CFAP97D2: variants seen among roughly 807,000 people sequenced by gnomAD.
CFAP97D2 encodes CFAP97 domain containing 2, also known as uncharacterized protein CFAP97D2.
At position 114,211,524 on chromosome 13, in the gene CFAP97D2, C is replaced by T. The variant is rs577355393; in HGVS notation, c.291-388C>T. Among the ~76,000 whole-genome samples the T allele has an allele frequency of 6.6e-6, 1 of 152,218 alleles. No individual in the cohort carries two copies. Among genetic ancestry groups the T allele is most frequent in the African/African-American group, 2.4e-5 (1 of 41,524 alleles). On this transcript the variant is annotated intron_variant, in intron 3 of 4. Transcript: ENST00000646158. The surrounding 1 kb of genome is among the most constrained non-coding windows in gnomAD (Gnocchi z 4.2). Reference sequence around the variant, plus strand: ...CTTGCCCTCCCCGCCTGGGACCCTGCTCTCCGCCATGGGTGCCCGGGTGCT... The same window carrying T: ...CTTGCCCTCCCCGCCTGGGACCCTGTTCTCCGCCATGGGTGCCCGGGTGCT...
At chr13:114,195,147 C>T (rs933471797) in intron 1 of CFAP97D2, among the ~76,000 whole-genome samples, 1 of 152,234 alleles carries the variant, frequency 6.6e-6, no homozygotes, top group Non-Finnish European at 1.5e-5. Context: ...CAGGTCTCCT[C>T]CCTGGATGAC....
intron 1 of CFAP97D2, among the ~76,000 whole-genome samples, chr13:114,191,115 A>T (rs1346137812): frequency 2.0e-5 from 3 of 152,220 alleles, no homozygotes; most frequent in Non-Finnish European, 2.9e-5. Flanking sequence ...ATGCAAAAAA[A>T]GTATAAAACT....
At chr13:114,216,837 C>G (rs1373531899) in intron 4 of CFAP97D2, among the ~76,000 whole-genome samples, 1 of 152,180 alleles carries the variant, frequency 6.6e-6, no homozygotes, top group Non-Finnish European at 1.5e-5. Context: ...AATGGTATTT[C>G]TAGTTCTAGA....
At chr13:114,184,140 G>C (rs1234002847) in intron 1 of CFAP97D2, among the ~76,000 whole-genome samples, 1 of 152,114 alleles carries the variant, frequency 6.6e-6, no homozygotes, top group African/African-American at 2.4e-5. Flanking sequence ...AACAAAATGA[G>C]ACCCTGTCTC....
chr13:114,200,738 C>G (rs944302710), intron 3 of CFAP97D2, among the ~76,000 whole-genome samples: 3 of 152,240 alleles, frequency 2.0e-5, no homozygotes, highest in African/African-American at 7.2e-5. Flanking sequence ...ACTCAGAACC[C>G]TCACAGGACC....
rs151018906 is a variant in CFAP97D2, at chr13:114,204,147, G to A, written c.290+3704G>A. Among the ~76,000 whole-genome samples, 163 of 152,266 alleles carry A rather than the reference G, an allele frequency of 1.1e-3. 2 individuals are homozygous for A. The highest frequency in any genetic ancestry group is 9.3e-3 in the South Asian group (45 of 4,818). ...GGAAAATACATTTCGAGGAGGCAGCGGGCAGCCCACAGGAGAGAGGCTGAC... is the reference window on the plus strand; with the variant it reads ...GGAAAATACATTTCGAGGAGGCAGCAGGCAGCCCACAGGAGAGAGGCTGAC... On this transcript the variant is annotated intron_variant, in intron 3 of 4. Coordinates refer to ENST00000646158, the Ensembl canonical transcript of CFAP97D2.
At position 114,185,224 on chromosome 13, in the gene CFAP97D2, C is replaced by T. The variant is rs920537718; in HGVS notation, c.90+5804C>T. ...CTTGCCTGCTGATGCAGGGAGGGCACAGGAAAGAGGTGAACAGTACCCGGA... is the reference window on the plus strand; with the variant it reads ...CTTGCCTGCTGATGCAGGGAGGGCATAGGAAAGAGGTGAACAGTACCCGGA... On this transcript the variant is annotated intron_variant, in intron 1 of 4. Transcript: ENST00000646158. The surrounding 1 kb of genome is among the most constrained non-coding windows in gnomAD (Gnocchi z 5.2). Among the ~76,000 whole-genome samples, 2 of 152,198 alleles carry T rather than the reference C, an allele frequency of 1.3e-5. No homozygotes were observed. Among genetic ancestry groups the T allele is most frequent in the Admixed American group, 6.5e-5 (1 of 15,282 alleles).
At chr13:114,213,558 AC>A (rs1252146747) in intron 4 of CFAP97D2, among the ~76,000 whole-genome samples, 1 of 132,664 alleles carries the variant, frequency 7.5e-6, no homozygotes, top group Non-Finnish European at 1.6e-5. Context: ...CATGAACCCC[AC>A]CCCTATGGAA....
intron 1 of CFAP97D2, among the ~76,000 whole-genome samples, chr13:114,195,032 C>G (rs1280654493): frequency 6.6e-6 from 1 of 152,132 alleles, no homozygotes; most frequent in Non-Finnish European, 1.5e-5. Flanking sequence ...TTCTTCATGC[C>G]TTCCTTTCCC....
At chr13:114,208,115 G>A (rs1440246581) in intron 3 of CFAP97D2, among the ~76,000 whole-genome samples, 1 of 152,108 alleles carries the variant, frequency 6.6e-6, no homozygotes, top group Non-Finnish European at 1.5e-5. Flanking sequence ...GTGTGACCTT[G>A]GACAAATTGT....
In CFAP97D2 at chr13:114,203,459, TGC is replaced by T. The variant is rs1321208199; in HGVS notation, c.290+3017_290+3018del. Among the ~76,000 whole-genome samples, 1 of 152,220 alleles carries T rather than the reference TGC, an allele frequency of 6.6e-6. No individual in the cohort carries two copies. The highest frequency in any genetic ancestry group is 1.5e-5 in the Non-Finnish European group (1 of 68,036). The stretch of plus-strand genomic sequence containing the variant: ...CCCACGTGTATGGATTCAGAAGTCT[TGC>T]TATATTAAGATGGCAATATACAAAC... On this transcript the variant is annotated intron_variant, in intron 3 of 4. Coordinates refer to ENST00000646158, the Ensembl canonical transcript of CFAP97D2. The surrounding 1 kb of genome is among the most constrained non-coding windows in gnomAD (Gnocchi z 4.3).
chr13:114,197,527 G>T (rs1439304876), intron 2 of CFAP97D2, among the ~76,000 whole-genome samples: 1 of 152,138 alleles, frequency 6.6e-6, no homozygotes, highest in Non-Finnish European at 1.5e-5. Flanking sequence ...AGTTGTGGAG[G>T]GGGCTTAGAA....
At chr13:114,209,640 G>C (rs1173328366) in intron 3 of CFAP97D2, among the ~76,000 whole-genome samples, 1 of 152,068 alleles carries the variant, frequency 6.6e-6, no homozygotes, top group Admixed American at 6.6e-5. Context: ...GCTCGTTCTG[G>C]CTCCACCGTT....
intron 1 of CFAP97D2, among the ~76,000 whole-genome samples, chr13:114,181,929 C>T (rs866655984): frequency 2.0e-4 from 30 of 152,110 alleles, no homozygotes; most frequent in African/African-American, 7.0e-4. Flanking sequence ...TGGCCTGCCC[C>T]TCCACACCTG....
chr13:114,180,621 C>T lies in CFAP97D2; in HGVS notation c.90+1201C>T, dbSNP rs145450476. 8.5e-3 allele frequency among the ~76,000 whole-genome samples: 1,289 copies of T among 152,334 alleles called. 17 individuals are homozygous for T. The highest frequency in any genetic ancestry group is 0.029 in the African/African-American group (1,220 of 41,568). On this transcript the variant is annotated intron_variant, in intron 1 of 4. Coordinates refer to ENST00000646158, the Ensembl canonical transcript of CFAP97D2. ...TGTTTTCCCCACTCAGTGCTGACCA[C>T]GTCCTGCCCACCACGATGTTCTCTG...
intron 1 of CFAP97D2, 56 bp from the exon 2 acceptor site, chr13:114,196,340 G>T (rs1222427861): frequency 2.5e-6 from 1 of 399,406 alleles, no homozygotes; most frequent in South Asian, 1.3e-4. Context: ...AGCACAATCT[G>T]AGCTCACTCT....
chr13:114,196,262 G>A lies in CFAP97D2; in HGVS notation c.91-134G>A, dbSNP rs182625820. ...ATACTCGGATTCCAAATCTAAGCAC[G>A]AGCCTCTTTCAGAACTTCAGGCCGT... On this transcript the variant is annotated intron_variant, in intron 1 of 4. Coordinates refer to ENST00000646158, the Ensembl canonical transcript of CFAP97D2. 647 of 396,764 alleles carry A rather than the reference G, an allele frequency of 1.6e-3. 2 individuals are homozygous for A. The highest frequency in any genetic ancestry group is 5.7e-3 in the Middle Eastern group (9 of 1,584). 24.6% of individuals were successfully genotyped at this position (396,764 alleles called of 1,614,324 possible).
At position 114,185,550 on chromosome 13, in the gene CFAP97D2, G is replaced by A. The variant is rs916674613; in HGVS notation, c.90+6130G>A. Among the ~76,000 whole-genome samples the A allele has an allele frequency of 1.3e-5, 2 of 152,224 alleles. No homozygotes were observed. The highest frequency in any genetic ancestry group is 4.8e-5 in the African/African-American group (2 of 41,468). ...GCCATGGCTGCGGACCCAGGCATGT[G>A]TGTGGTTCTGCACTCTCAGGAGCCC... is the stretch of plus-strand genomic sequence containing the variant. On this transcript the variant is annotated intron_variant, in intron 1 of 4. Transcript: ENST00000646158. The surrounding 1 kb of genome is among the most constrained non-coding windows in gnomAD (Gnocchi z 5.2).
At position 114,203,855 on chromosome 13, in the gene CFAP97D2, C is replaced by A. The variant is rs545513512; in HGVS notation, c.290+3412C>A. Reference sequence around the variant, plus strand: ...TGTCAGATGGGGCAGAGATTCTGGGCATTTGGCTGTCTCAAACCCAATCTA... The same window carrying A: ...TGTCAGATGGGGCAGAGATTCTGGGAATTTGGCTGTCTCAAACCCAATCTA... On this transcript the variant is annotated intron_variant, in intron 3 of 4. Transcript: ENST00000646158. The surrounding 1 kb of genome is among the most constrained non-coding windows in gnomAD (Gnocchi z 4.3). Among the ~76,000 whole-genome samples the A allele has an allele frequency of 6.6e-6, 1 of 152,344 alleles. No individual in the cohort carries two copies. The highest frequency in any genetic ancestry group is 2.4e-5 in the African/African-American group (1 of 41,572).
Sources: allele counts gnomAD v4.1 joint callset (sites outside exome capture counted in the v4.1 genomes callset), GRCh38; gene constraint gnomAD v4.1.1; non-coding constraint Gnocchi (gnomAD v3.1); transcripts MANE v1.5; gene names NCBI Gene and HGNC (gene_info 2026-07-23, HGNC 2026-07-21).